Variants in CDK8 observed in about 807,000 individuals in gnomAD.
CDK8 encodes cyclin-dependent kinase 8.
Under a neutral mutation model 71.5 loss-of-function variants are expected in CDK8, and 29 were observed. The ratio of observed to expected loss-of-function variants is 0.41; its 90% confidence interval spans 0.30 to 0.55. The LOEUF is 0.55. Among genes scored for constraint, CDK8 ranks in the 20% least tolerant of loss-of-function variants. The pLI is 0.37. For missense variants in CDK8, 288 were observed against 572.6 expected, an observed-to-expected ratio of 0.50 and a Z score of 5.07; for synonymous variants, 161 against 192.1, an observed-to-expected ratio of 0.84 and a Z score of 1.34.
intron 1 of CDK8, among the ~76,000 whole-genome samples, chr13:26,322,472 A>C (rs1874820091): frequency 6.6e-6 from 1 of 152,016 alleles, no homozygotes; most frequent in African/African-American, 2.4e-5. Flanking sequence ...ACCTAATTAC[A>C]GTGAGTCCTT....
intron 1 of CDK8, among the ~76,000 whole-genome samples, chr13:26,278,449 T>A (rs1872631370): frequency 6.6e-6 from 1 of 152,176 alleles, no homozygotes; most frequent in South Asian, 2.1e-4. Context: ...TCCCTTTCCA[T>A]CTAGTAGTGA....
intron 1 of CDK8, among the ~76,000 whole-genome samples, chr13:26,332,761 G>A (rs962730446): frequency 2.0e-5 from 3 of 152,076 alleles, no homozygotes; most frequent in African/African-American, 7.2e-5. Flanking sequence ...TCTATGCCTA[G>A]TTTGTTAAGT....
At chr13:26,310,187 C>G (rs984960110) in intron 1 of CDK8, among the ~76,000 whole-genome samples, 15 of 152,226 alleles carry the variant, frequency 9.9e-5, no homozygotes, top group Non-Finnish European at 1.5e-5. Flanking sequence ...ACTACTAACT[C>G]ACCTTTCTCT....
chr13:26,343,247 G>T (rs1279859573), intron 2 of CDK8, among the ~76,000 whole-genome samples: 1 of 152,138 alleles, frequency 6.6e-6, no homozygotes, highest in East Asian at 1.9e-4. Flanking sequence ...CAGGCTGTTT[G>T]TAGCCTATTC....
At chr13:26,264,329 G>A (rs559798111) in intron 1 of CDK8, among the ~76,000 whole-genome samples, 1 of 151,744 alleles carries the variant, frequency 6.6e-6, no homozygotes, top group South Asian at 2.1e-4. Context: ...TCTGTTCCCT[G>A]GGCTGGAGTG....
Position 26,261,135 on chromosome 13 carries a change from GA to G in CDK8, c.128+6367del, listed in dbSNP as rs781479985. ...AAAGGTGGCTTTTACCTGTTGTTTT[GA>G]CCTTAGTACTTAAAGACTGTTGGTA... On this transcript the variant is annotated intron_variant, in intron 1 of 12. Coordinates refer to ENST00000381527, the MANE Select transcript of CDK8 (RefSeq NM_001260.3). Among the ~76,000 whole-genome samples the G allele has an allele frequency of 4.3e-4, 66 of 152,174 alleles. 1 individual carries two copies. The highest frequency in any genetic ancestry group is 2.4e-3 in the Admixed American group (36 of 15,292).
At chr13:26,371,219 T>C (rs1874667894) in intron 4 of CDK8, among the ~76,000 whole-genome samples, 1 of 152,190 alleles carries the variant, frequency 6.6e-6, no homozygotes, top group East Asian at 1.9e-4. Context: ...CTTTTATATA[T>C]CAAGAATCTT....
intron 6 of CDK8, among the ~76,000 whole-genome samples, chr13:26,392,955 G>A (rs1875821141): frequency 6.6e-6 from 1 of 152,076 alleles, no homozygotes; most frequent in Non-Finnish European, 1.5e-5. Context: ...TACTGTTTGG[G>A]TTTTCCGTTT....
Position 26,401,713 on chromosome 13 carries a change from C to T in CDK8, c.1269+89C>T, listed in dbSNP as rs1876269306. The stretch of plus-strand genomic sequence containing the variant: ...GAAAATGTGATTTAATTGAGAAATA[C>T]TGACGTCTGTATACCCAGGGAAATA... On this transcript the variant is annotated intron_variant, in intron 12 of 12. Transcript: ENST00000381527. The surrounding 1 kb of genome is among the most constrained non-coding windows in gnomAD (Gnocchi z 4.5). 1 of 1,330,432 alleles carries T rather than the reference C, an allele frequency of 7.5e-7. No individual in the cohort carries two copies. The highest frequency in any genetic ancestry group is 1.7e-5 in the Admixed American group (1 of 57,972). The allele number at this position is 1,330,432 out of a possible 1,614,324, so 82.4% of individuals were successfully genotyped here. A position where few individuals can be genotyped will look rare whatever the true frequency, so the allele number is the denominator to read the frequency against.
chr13:26,386,622 C>T (rs929661030), intron 6 of CDK8, among the ~76,000 whole-genome samples: 8 of 152,124 alleles, frequency 5.3e-5, no homozygotes, highest in Non-Finnish European at 1.2e-4. Context: ...AGTATGTTCT[C>T]ATGTAAATTC....
intron 1 of CDK8, among the ~76,000 whole-genome samples, chr13:26,268,661 T>TA (rs974582347): frequency 6.6e-6 from 1 of 151,990 alleles, no homozygotes; most frequent in African/African-American, 2.4e-5. Context: ...TGGTGGGGAT[T>TA]AAAAAAAACT....
chr13:26,300,819 G>C (rs60806634), intron 1 of CDK8, among the ~76,000 whole-genome samples: 1,845 of 152,210 alleles, frequency 0.012, 37 homozygotes, highest in African/African-American at 0.034. Context: ...GCTCTAAAAA[G>C]ACATTAAATT....
intron 4 of CDK8, among the ~76,000 whole-genome samples, chr13:26,371,908 G>A (rs944179747): frequency 5.3e-5 from 8 of 152,058 alleles, no homozygotes; most frequent in East Asian, 1.9e-4. Flanking sequence ...ATGAGCTACC[G>A]TGCCTGGCCA....
At chr13:26,314,692 T>C (rs1593257604) in intron 1 of CDK8, among the ~76,000 whole-genome samples, 1 of 152,206 alleles carries the variant, frequency 6.6e-6, no homozygotes, top group Non-Finnish European at 1.5e-5. Context: ...ATGGGAAAAT[T>C]TGGCATTGTA....
chr13:26,309,945 G>A (rs1874211188), intron 1 of CDK8, among the ~76,000 whole-genome samples: 1 of 152,046 alleles, frequency 6.6e-6, no homozygotes, highest in Non-Finnish European at 1.5e-5. Flanking sequence ...TAGTAGAGAT[G>A]GGGTTTCACC....
intron 1 of CDK8, among the ~76,000 whole-genome samples, chr13:26,317,597 C>G (rs904701338): frequency 5.3e-5 from 8 of 152,078 alleles, no homozygotes; most frequent in Admixed American, 2.0e-4. Context: ...AGTGTATTCT[C>G]CAGCCACAAT....
intron 1 of CDK8, among the ~76,000 whole-genome samples, chr13:26,295,994 A>AC (rs763378921): frequency 6.6e-6 from 1 of 152,044 alleles, no homozygotes; most frequent in Non-Finnish European, 1.5e-5. Context: ...CTCTGGCTAC[A>AC]CCCCTGAGCA....
intron 2 of CDK8, among the ~76,000 whole-genome samples, chr13:26,340,560 A>G (rs1462945264): frequency 6.6e-6 from 1 of 152,160 alleles, no homozygotes; most frequent in Non-Finnish European, 1.5e-5. Flanking sequence ...TAAGAATGAA[A>G]TAATTCCCAT....
rs752553551 is a variant in CDK8, at chr13:26,283,896, CAA to C, written c.128+29142_128+29143del. On this transcript the variant is annotated intron_variant, in intron 1 of 12. Transcript: ENST00000381527. Reference sequence around the variant, plus strand: ...CTGGCGACAGAGCAAGACTCCATCTCAAAAAAAAAAAAAAAAGTAACAAAATC... The same window carrying C: ...CTGGCGACAGAGCAAGACTCCATCTCAAAAAAAAAAAAAAGTAACAAAATC... Among the ~76,000 whole-genome samples, 77 of 89,418 alleles carry C rather than the reference CAA, an allele frequency of 8.6e-4. No homozygotes were observed. The South Asian group carries it at 0.02, about 24-fold the overall frequency. 58.7% of individuals were successfully genotyped at this position (89,418 alleles called of 152,430 possible).
Sources: gnomAD v4.1 joint callset for allele counts (sites outside exome capture counted in the v4.1 genomes callset) on GRCh38, gnomAD v4.1.1 for gene constraint, Gnocchi (gnomAD v3.1) non-coding constraint, MANE v1.5 for transcripts, NCBI Gene and HGNC (gene_info 2026-07-23, HGNC 2026-07-21) for gene names.